Variants in FAM184A observed in about 807,000 individuals in gnomAD.
FAM184A encodes the protein protein FAM184A.
A neutral mutation model predicts 143.8 loss-of-function variants in FAM184A; 99 were observed. That is an observed-to-expected ratio of 0.69 (90% CI 0.58 to 0.81). The LOEUF (loss-of-function observed/expected upper bound fraction) is 0.81, where lower values mean the gene tolerates loss of function less well. FAM184A is among the 40% of genes least tolerant of loss of function. The pLI, the probability that FAM184A is intolerant of heterozygous loss-of-function variation, is 0.00. For synonymous variants in FAM184A, 427 were observed against 446.4 expected, an observed-to-expected ratio of 0.96 and a Z score of 0.55; for missense variants, 1,217 against 1,310.5, an observed-to-expected ratio of 0.93 and a Z score of 1.10.
At chr6:119,128,722 G>C (rs1444921417) in intron 1 of FAM184A, among the ~76,000 whole-genome samples, 1 of 152,098 alleles carries the variant, frequency 6.6e-6, no homozygotes, top group African/African-American at 2.4e-5. Context: ...CCTGACTCTG[G>C]TATAGCATCG....
chr6:118,978,399 A>G (rs1783912157), intron 11 of FAM184A, among the ~76,000 whole-genome samples: 1 of 152,220 alleles, frequency 6.6e-6, no homozygotes, highest in Non-Finnish European at 1.5e-5. Context: ...ACATTTCTAT[A>G]AAGGCGACCT....
intron 1 of FAM184A, among the ~76,000 whole-genome samples, chr6:119,119,840 A>G (rs1238725605): frequency 6.6e-6 from 1 of 152,020 alleles, no homozygotes; most frequent in East Asian, 1.9e-4. Flanking sequence ...TAAAAAATAA[A>G]AATTCGTAGG....
chr6:119,136,752 C>G (rs944017116), intron 1 of FAM184A, among the ~76,000 whole-genome samples: 2 of 152,216 alleles, frequency 1.3e-5, no homozygotes, highest in African/African-American at 2.4e-5. Flanking sequence ...CTGTGCTTAA[C>G]TTTCAAATTC....
intron 1 of FAM184A, among the ~76,000 whole-genome samples, chr6:119,066,696 C>T (rs931135397): frequency 1.3e-5 from 2 of 152,210 alleles, no homozygotes; most frequent in African/African-American, 4.8e-5. Flanking sequence ...TATTCCAGGA[C>T]AGTTATCTTT....
At chr6:119,026,168 G>C (rs1447465589) in intron 1 of FAM184A, among the ~76,000 whole-genome samples, 1 of 152,128 alleles carries the variant, frequency 6.6e-6, no homozygotes, top group African/African-American at 2.4e-5. Flanking sequence ...ATTGAGAGAT[G>C]GCAGGAACCC....
intron 11 of FAM184A, among the ~76,000 whole-genome samples, chr6:118,978,668 A>G (rs888725595): frequency 1.3e-5 from 2 of 152,174 alleles, no homozygotes; most frequent in African/African-American, 4.8e-5. Context: ...GGCCCAAAAT[A>G]TTGATAACAC....
At chr6:119,069,338 G>A (rs541064008) in intron 1 of FAM184A, among the ~76,000 whole-genome samples, 7 of 152,066 alleles carry the variant, frequency 4.6e-5, no homozygotes, top group Admixed American at 2.6e-4. Context: ...TTCACTAGGC[G>A]AAACATCTAA....
Position 119,129,707 on chromosome 6 carries a change from G to A in FAM184A, c.-202+19371C>T, listed in dbSNP as rs940309457. 9.2e-5 allele frequency among the ~76,000 whole-genome samples: 12 copies of A among 130,696 alleles called. No homozygotes were observed. The East Asian group carries it at 2.9e-3, about 32-fold the overall frequency. 85.7% of individuals were successfully genotyped at this position (130,696 alleles called of 152,430 possible). ...GGGTGTTTTTTGGTTTCATTTTTGTGTTTTGTGTGTGTGTGTGGGGGGTTG... is the reference window on the plus strand; with the variant it reads ...GGGTGTTTTTTGGTTTCATTTTTGTATTTTGTGTGTGTGTGTGGGGGGTTG... On this transcript the variant is annotated intron_variant, in intron 1 of 16. Coordinates refer to the FAM184A transcript ENST00000352896.
In FAM184A at chr6:118,984,661, G is replaced by T. The variant is rs949349329; in HGVS notation, c.2089-4311C>A. Among the ~76,000 whole-genome samples the T allele has an allele frequency of 3.3e-5, 5 of 152,052 alleles. 1 individual carries two copies. The highest frequency in any genetic ancestry group is 1.2e-4 in the African/African-American group (5 of 41,382). ...AACCTTTGGTTTTTGATGCAATATC[G>T]GTGTTTTTTCTTCAAAAACCATTGA... On this transcript the variant is annotated intron_variant, in intron 9 of 17. Transcript: ENST00000338891.
chr6:119,005,185 A>G (rs1784882953), intron 7 of FAM184A: 1 of 152,216 alleles, frequency 6.6e-6, no homozygotes, highest in Non-Finnish European at 1.5e-5. Context: ...AACTAAATAT[A>G]TCAAGTTGTA....
chr6:119,123,395 A>G (rs12528457), intron 1 of FAM184A, among the ~76,000 whole-genome samples: 1 of 151,988 alleles, frequency 6.6e-6, no homozygotes, highest in South Asian at 2.1e-4. Context: ...TCTCAAAAAT[A>G]CCAAAAAACA....
chr6:119,129,176 T>A (rs1789461006), intron 1 of FAM184A, among the ~76,000 whole-genome samples: 1 of 152,170 alleles, frequency 6.6e-6, no homozygotes, highest in South Asian at 2.1e-4. Flanking sequence ...CATGTATTGA[T>A]TTATGTCTTT....
At chr6:119,081,083 C>G (rs552319638), upstream of FAM184A, among the ~76,000 whole-genome samples, 74 of 152,212 alleles carry the variant, frequency 4.9e-4, no homozygotes, top group South Asian at 0.014. Flanking sequence ...AGAACACCAC[C>G]AAGTGAATGG....
intron 1 of FAM184A, among the ~76,000 whole-genome samples, chr6:119,105,933 G>A (rs1438926031): frequency 6.6e-6 from 1 of 152,158 alleles, no homozygotes; most frequent in Non-Finnish European, 1.5e-5. Flanking sequence ...TAACTAACGT[G>A]AAGATATCAG....
At chr6:118,970,615 T>C (rs1296377233) in intron 14 of FAM184A, among the ~76,000 whole-genome samples, 1 of 152,160 alleles carries the variant, frequency 6.6e-6, no homozygotes, top group Non-Finnish European at 1.5e-5. Flanking sequence ...AGGATGTATA[T>C]GATCATCCCA....
chr6:119,119,856 G>T (rs1789164717), intron 1 of FAM184A, among the ~76,000 whole-genome samples: 1 of 152,054 alleles, frequency 6.6e-6, no homozygotes, highest in African/African-American at 2.4e-5. Context: ...GTAGGGCATG[G>T]TGGTTTATGC....
At chr6:119,001,269 A>AG (rs1784748151) in intron 9 of FAM184A, among the ~76,000 whole-genome samples, 2 of 151,320 alleles carry the variant, frequency 1.3e-5, no homozygotes, top group Non-Finnish European at 2.9e-5. Context: ...CAGTTTCTCT[A>AG]TGGCAATGCG....
At chr6:119,128,181 C>T (rs1789426102) in intron 1 of FAM184A, among the ~76,000 whole-genome samples, 1 of 152,142 alleles carries the variant, frequency 6.6e-6, no homozygotes, top group Non-Finnish European at 1.5e-5. Context: ...GGTTTGGCTG[C>T]TAACCCCTGG....
chr6:119,105,729 T>C (rs987257449), intron 1 of FAM184A, among the ~76,000 whole-genome samples: 2 of 152,206 alleles, frequency 1.3e-5, no homozygotes, highest in African/African-American at 2.4e-5. Context: ...TTGAGCTATG[T>C]CTCCCATTTT....
Sources: allele counts gnomAD v4.1 joint callset (sites outside exome capture counted in the v4.1 genomes callset), GRCh38; gene constraint gnomAD v4.1.1; transcripts MANE v1.5; gene names NCBI Gene and HGNC (gene_info 2026-07-23, HGNC 2026-07-21).